FNDC3B: variants seen among roughly 807,000 people sequenced by gnomAD.
FNDC3B encodes the protein fibronectin type III domain containing 3B.
In FNDC3B, 12 loss-of-function variants were observed where a neutral mutation model predicts 151.5. The observed-to-expected ratio is 0.08, with a 90% confidence interval of 0.05 to 0.13. The LOEUF (loss-of-function observed/expected upper bound fraction) is 0.13. FNDC3B is among the 10% of genes least tolerant of loss of function. The probability of loss-of-function intolerance (pLI) is 1.00; values close to 1 mark genes in which losing one functional copy is unlikely to be tolerated. For missense variants in FNDC3B, 1,214 were observed against 1,505.3 expected (o/e 0.81, Z 3.20); for synonymous variants, 528 against 549.0 (o/e 0.96, Z 0.54).
At chr3:172,239,856 CTTTTTTTT>C (rs71179981) in intron 4 of FNDC3B, among the ~76,000 whole-genome samples, 5 of 49,922 alleles carry the variant, frequency 1.0e-4, no homozygotes, top group South Asian at 9.0e-4. Context: ...CATTTTAGTT[CTTTTTTTT>C]TTTTTTTTTT....
At chr3:172,132,297 C>T (rs1721143979) in intron 2 of FNDC3B, among the ~76,000 whole-genome samples, 2 of 152,188 alleles carry the variant, frequency 1.3e-5, no homozygotes, top group Non-Finnish European at 2.9e-5. Context: ...GTTCCGATAA[C>T]TGTAGGATGA....
chr3:172,195,034 C>CT (rs1482435247), intron 3 of FNDC3B, among the ~76,000 whole-genome samples: 2 of 152,096 alleles, frequency 1.3e-5, no homozygotes, highest in African/African-American at 4.8e-5. Context: ...AGAAATAAAT[C>CT]TAAGTCTGTA....
At chr3:172,256,195 C>T (rs1265640279) in intron 6 of FNDC3B, among the ~76,000 whole-genome samples, 2 of 152,238 alleles carry the variant, frequency 1.3e-5, no homozygotes, top group African/African-American at 2.4e-5. Flanking sequence ...GAATATGCCT[C>T]ATTCCCCTTT....
At chr3:172,229,098 C>T (rs867461992) in intron 4 of FNDC3B, among the ~76,000 whole-genome samples, 45 of 147,358 alleles carry the variant, frequency 3.1e-4, no homozygotes, top group East Asian at 1.7e-3. Context: ...CACACACACA[C>T]ACACACACAC....
At chr3:172,302,119 A>G (rs1249965967) in intron 9 of FNDC3B, 1 of 152,138 alleles carries the variant, frequency 6.6e-6, no homozygotes, top group South Asian at 2.1e-4. Flanking sequence ...TCATTTTGCT[A>G]CTCTGAGTCT....
At chr3:172,056,583 G>T (rs1716930180) in intron 1 of FNDC3B, among the ~76,000 whole-genome samples, 1 of 152,186 alleles carries the variant, frequency 6.6e-6, no homozygotes, top group Admixed American at 6.5e-5. Flanking sequence ...CAGTCTCTCA[G>T]TGTCTTAGCA....
Position 172,142,118 on chromosome 3 carries a change from T to C in FNDC3B, c.187+8572T>C, listed in dbSNP as rs181992406. 3.2e-3 allele frequency among the ~76,000 whole-genome samples: 494 copies of C among 152,336 alleles called. 1 individual carries two copies. Among genetic ancestry groups the C allele is most frequent in the Non-Finnish European group, 5.3e-3 (360 of 68,018 alleles). ...ATTGCTGTGATTAAATGAGTTATTGTGTACAGAGCACTAAGAACAATTTCT... is the reference window on the plus strand; with the variant it reads ...ATTGCTGTGATTAAATGAGTTATTGCGTACAGAGCACTAAGAACAATTTCT... On this transcript the variant is annotated intron_variant, in intron 3 of 25. Coordinates refer to ENST00000415807, the MANE Select transcript of FNDC3B (RefSeq NM_022763.4).
At chr3:172,334,563 C>T (rs1216634119) in intron 14 of FNDC3B, among the ~76,000 whole-genome samples, 2 of 152,200 alleles carry the variant, frequency 1.3e-5, no homozygotes, top group East Asian at 1.9e-4. Context: ...CTGCCTCAGC[C>T]TCCCGAGTAG....
intron 4 of FNDC3B, among the ~76,000 whole-genome samples, chr3:172,228,452 C>T (rs187145020): frequency 1.1e-4 from 17 of 152,264 alleles, no homozygotes; most frequent in African/African-American, 2.9e-4. Flanking sequence ...ACATTTCTAA[C>T]GGAGAGAAGC....
intron 1 of FNDC3B, among the ~76,000 whole-genome samples, chr3:172,102,778 G>A (rs1719437756): frequency 6.6e-6 from 1 of 152,132 alleles, no homozygotes; most frequent in African/African-American, 2.4e-5. Flanking sequence ...CCACCTCCCC[G>A]TGCAGATTAG....
intron 25 of FNDC3B, among the ~76,000 whole-genome samples, chr3:172,388,834 C>A (rs695164): frequency 2.6e-5 from 4 of 152,158 alleles, no homozygotes; most frequent in African/African-American, 9.7e-5. Flanking sequence ...TTCTGCAAGG[C>A]GGGGCAGGGA....
intron 4 of FNDC3B, among the ~76,000 whole-genome samples, chr3:172,244,608 A>G (rs565001195): frequency 6.9e-6 from 1 of 144,728 alleles, no homozygotes; most frequent in Non-Finnish European, 1.5e-5. Context: ...TTCAGAATTA[A>G]TATTTCACCT....
At chr3:172,201,381 A>G (rs1384093810) in intron 3 of FNDC3B, among the ~76,000 whole-genome samples, 1 of 152,152 alleles carries the variant, frequency 6.6e-6, no homozygotes, top group Non-Finnish European at 1.5e-5. Context: ...AACAAACAAT[A>G]ACACTACTAC....
chr3:172,118,166 C>T (rs1248934323), intron 2 of FNDC3B, among the ~76,000 whole-genome samples: 1 of 152,152 alleles, frequency 6.6e-6, no homozygotes, highest in Non-Finnish European at 1.5e-5. Flanking sequence ...ACAGTATGTT[C>T]AACATATTAA....
chr3:172,389,507 A>G (rs1033456630), intron 25 of FNDC3B, among the ~76,000 whole-genome samples: 3 of 152,236 alleles, frequency 2.0e-5, no homozygotes, highest in Non-Finnish European at 4.4e-5. Flanking sequence ...TCACTTTAAA[A>G]ACTATTAGAA....
At chr3:172,264,712 A>T (rs1412695743) in intron 6 of FNDC3B, among the ~76,000 whole-genome samples, 1 of 152,210 alleles carries the variant, frequency 6.6e-6, no homozygotes, top group Non-Finnish European at 1.5e-5. Flanking sequence ...AATGATAACG[A>T]TACATGAGAA....
intron 9 of FNDC3B, among the ~76,000 whole-genome samples, chr3:172,299,948 T>C (rs772496163): frequency 2.6e-5 from 4 of 152,264 alleles, no homozygotes; most frequent in Non-Finnish European, 5.9e-5. Flanking sequence ...ATTAGCTGCA[T>C]AAGTTCTTAA....
At chr3:172,085,214 A>AT (rs1306969902) in intron 1 of FNDC3B, among the ~76,000 whole-genome samples, 1 of 152,150 alleles carries the variant, frequency 6.6e-6, no homozygotes, top group African/African-American at 2.4e-5. Context: ...TGGCCTACAG[A>AT]TTTTTTTGCG....
chr3:172,364,674 T>C (rs1364564846), intron 23 of FNDC3B, among the ~76,000 whole-genome samples: 1 of 152,198 alleles, frequency 6.6e-6, no homozygotes, highest in Non-Finnish European at 1.5e-5. Context: ...CCCAAGCACT[T>C]TTCCAAATGA....
Sources: gnomAD v4.1 joint callset for allele counts (sites outside exome capture counted in the v4.1 genomes callset) on GRCh38, gnomAD v4.1.1 for gene constraint, MANE v1.5 for transcripts, NCBI Gene and HGNC (gene_info 2026-07-23, HGNC 2026-07-21) for gene names.